Variants in MID1 observed in about 807,000 individuals in gnomAD.
The protein encoded by MID1 is midline 1.
In MID1, 7 loss-of-function variants were observed where a neutral mutation model predicts 40.4. The ratio of observed to expected loss-of-function variants is 0.17; its 90% CI spans 0.10 to 0.33. The LOEUF is 0.33. MID1 is among the 10% of genes least tolerant of loss of function. MID1 has a pLI of 1.00. For missense variants in MID1, 367 were observed against 558.5 expected (o/e 0.66, Z 3.46); for synonymous variants, 229 against 221.2 (o/e 1.04, Z -0.31).
At chrX:10,696,494 T>C (rs2043164675) in intron 1 of MID1, among the ~76,000 whole-genome samples, 1 of 111,497 alleles carries the variant, frequency 9.0e-6, no homozygotes. Flanking sequence ...CTCTAAAACA[T>C]CTTGATAAAC....
At chrX:10,797,832 G>A (rs1010157403) in intron 1 of MID1, among the ~76,000 whole-genome samples, 3 of 111,707 alleles carry the variant, frequency 2.7e-5, no homozygotes, top group Non-Finnish European at 5.6e-5. Context: ...CACGTTCGAT[G>A]CATTGTTACT....
intron 2 of MID1, among the ~76,000 whole-genome samples, chrX:10,558,356 C>A (rs946034307): frequency 1.8e-5 from 2 of 112,121 alleles, no homozygotes; most frequent in African/African-American, 6.5e-5. Flanking sequence ...TTAAATCCCA[C>A]CACCCTGAAG....
chrX:10,718,100 A>G (rs1371764594), intron 1 of MID1, among the ~76,000 whole-genome samples: 1 of 111,997 alleles, frequency 8.9e-6, no homozygotes, highest in Non-Finnish European at 1.9e-5. Flanking sequence ...AGCAGGAAAG[A>G]TCTAAAATTG....
intron 1 of MID1, among the ~76,000 whole-genome samples, chrX:10,609,805 C>A (rs936053747): frequency 4.0e-4 from 43 of 106,356 alleles, no homozygotes; most frequent in Non-Finnish European, 3.9e-5. Flanking sequence ...GCAAGCTCCG[C>A]CTCGCGGGTT....
chrX:10,457,973 G>A (rs1184821106), intron 8 of MID1, among the ~76,000 whole-genome samples: 1 of 112,470 alleles, frequency 8.9e-6, no homozygotes. Flanking sequence ...AACCTCTCAT[G>A]GTTATTCCAG....
At chrX:10,469,582 A>G (rs776818015) in intron 7 of MID1, 115 bp downstream of exon 7, 3 of 1,209,727 alleles carry the variant, frequency 2.5e-6, no homozygotes, top group Non-Finnish European at 2.2e-6. Context: ...AGACAAGTCA[A>G]TAAATATTGT....
In MID1 at chrX:10,529,036, C is replaced by T. The variant is rs1468147309; in HGVS notation, c.661-5849G>A. Among the ~76,000 whole-genome samples, 4 of 111,499 alleles carry T rather than the reference C, an allele frequency of 3.6e-5. No individual in the cohort carries two copies. In the East Asian group the frequency reaches 1.1e-3, roughly 31 times the overall value. ...TCTGTGCCTCAGTTTCCTCATGGGG[C>T]TGTCAAGATGATTAGAGGAGGAGAT... is the stretch of plus-strand genomic sequence containing the variant. On this transcript the variant is annotated intron_variant, in intron 2 of 9. Coordinates refer to ENST00000317552, the MANE Select transcript of MID1 (RefSeq NM_000381.4).
chrX:10,581,263 CAAAAACA>C (rs1176570334), intron 1 of MID1, among the ~76,000 whole-genome samples: 8 of 110,022 alleles, frequency 7.3e-5, no homozygotes, highest in African/African-American at 2.7e-4. Context: ...TAAAACAAAA[CAAAAACA>C]AAAAACAAAC....
At chrX:10,519,614 C>A (rs1932610822) in intron 3 of MID1, among the ~76,000 whole-genome samples, 1 of 111,909 alleles carries the variant, frequency 8.9e-6, no homozygotes, top group Non-Finnish European at 1.9e-5. Flanking sequence ...GCTCACTGGA[C>A]AATCCTAATC....
chrX:10,815,778 C>T (rs905537719), intron 1 of MID1, among the ~76,000 whole-genome samples: 1 of 112,388 alleles, frequency 8.9e-6, no homozygotes, highest in African/African-American at 3.2e-5. Flanking sequence ...TTTCCTGACA[C>T]GTTTTCTAAA....
intron 1 of MID1, among the ~76,000 whole-genome samples, chrX:10,700,635 T>C (rs1002568536): frequency 2.7e-5 from 3 of 112,427 alleles, no homozygotes; most frequent in African/African-American, 9.7e-5. Flanking sequence ...CTTCAAATGA[T>C]AGATTAAGGG....
chrX:10,472,304 A>G (rs1929753786), intron 6 of MID1, among the ~76,000 whole-genome samples: 1 of 112,710 alleles, frequency 8.9e-6, no homozygotes. Flanking sequence ...CTCAGAAGAC[A>G]TAATAGCAGG....
At chrX:10,799,141 T>TC (rs1401053843) in intron 1 of MID1, among the ~76,000 whole-genome samples, 3 of 111,493 alleles carry the variant, frequency 2.7e-5, no homozygotes, top group South Asian at 3.8e-4. Context: ...ACCTTTTTCA[T>TC]CCCCCCTCAC....
intron 1 of MID1, among the ~76,000 whole-genome samples, chrX:10,577,880 T>TCA (rs925861718): frequency 2.5e-4 from 27 of 108,245 alleles, no homozygotes; most frequent in African/African-American, 8.4e-4. Context: ...ATATTGCTTA[T>TCA]CACCATGCAA....
rs191221845 is a variant in MID1, at chrX:10,645,931, C to G, written c.-186-25512G>C. Among the ~76,000 whole-genome samples the G allele has an allele frequency of 3.6e-5, 4 of 111,904 alleles. No individual in the cohort carries two copies. The Admixed American group carries it at 3.8e-4, about 11-fold the overall frequency. On this transcript the variant is annotated intron_variant, in intron 1 of 10. Coordinates refer to the MID1 transcript ENST00000380785. ...GGATGGGCCACAGGAGCCTCTTTTC[C>G]CTCAGAACAGGGGAGTTCTGAGACA...
At chrX:10,452,906 T>G (rs757876305) in intron 9 of MID1, among the ~76,000 whole-genome samples, 36 of 112,249 alleles carry the variant, frequency 3.2e-4, no homozygotes, top group Non-Finnish European at 5.3e-4. Context: ...GTTTCATTTA[T>G]CATAATTAAT....
At position 10,491,788 on chromosome X, in the gene MID1, T is replaced by C. The variant is rs750693777; in HGVS notation, c.864+3796A>G. Reference sequence around the variant, plus strand: ...TGGTCTTAGAGGCAGGGTTCTATGGTATTCAGTTTTTGAAATTTGCTGAAA... The same window carrying C: ...TGGTCTTAGAGGCAGGGTTCTATGGCATTCAGTTTTTGAAATTTGCTGAAA... On this transcript the variant is annotated intron_variant, in intron 4 of 9. Transcript: ENST00000317552. Among the ~76,000 whole-genome samples, 588 of 112,034 alleles carry C rather than the reference T, an allele frequency of 5.2e-3. 4 individuals are homozygous for C. Among genetic ancestry groups the C allele is most frequent in the African/African-American group, 0.019 (571 of 30,856 alleles).
chrX:10,713,012 T>G (rs1215806771), intron 1 of MID1, among the ~76,000 whole-genome samples: 1 of 110,216 alleles, frequency 9.1e-6, no homozygotes, highest in Non-Finnish European at 1.9e-5. Context: ...AATTTTTGTA[T>G]TTTTAGTAGA....
At position 10,552,170 on chromosome X, in the gene MID1, T is replaced by TA. The variant is rs34084751; in HGVS notation, c.660+14717dup. Among the ~76,000 whole-genome samples, 265 of 98,701 alleles carry TA rather than the reference T, an allele frequency of 2.7e-3. 1 individual carries two copies. Among genetic ancestry groups the TA allele is most frequent in the East Asian group, 0.012 (38 of 3,089 alleles). The allele number at this position is 98,701 out of a possible 115,157, so 85.7% of individuals were successfully genotyped here. A position where few individuals can be genotyped will look rare whatever the true frequency, so the allele number is the denominator to read the frequency against. On this transcript the variant is annotated intron_variant, in intron 2 of 9. Transcript: ENST00000317552. ...ACAGCATGCAATTATGAAGGAGTGG[T>TA]AAAAAAAAAAAAAATAGGGAATGTC...
Sources: gnomAD v4.1 joint callset for allele counts (sites outside exome capture counted in the v4.1 genomes callset) on GRCh38, gnomAD v4.1.1 for gene constraint, MANE v1.5 for transcripts, NCBI Gene and HGNC (gene_info 2026-07-23, HGNC 2026-07-21) for gene names.